Variants in HSPA12A observed in about 807,000 individuals in gnomAD.
HSPA12A encodes the protein heat shock 70 kDa protein 12A.
Under a neutral mutation model 69.2 loss-of-function variants are expected in HSPA12A, and 28 were observed. That is an observed-to-expected ratio of 0.40 (90% CI 0.30 to 0.55). The LOEUF is 0.55. Among genes scored for constraint, HSPA12A ranks in the 20% least tolerant of loss-of-function variants. HSPA12A has a pLI of 0.38. For synonymous variants in HSPA12A, 345 were observed against 370.5 expected (o/e 0.93, Z 0.79); for missense variants, 686 against 900.7 (o/e 0.76, Z 3.05).
chr10:116,683,012 T>G (rs11818148), intron 7 of HSPA12A, among the ~76,000 whole-genome samples: 5,429 of 151,956 alleles, frequency 0.036, 130 homozygotes, highest in African/African-American at 0.068. Context: ...CCCACAATTC[T>G]TTTCTTGCAG....
At chr10:116,804,473 C>G (rs1397545314) in intron 2 of HSPA12A, among the ~76,000 whole-genome samples, 1 of 152,082 alleles carries the variant, frequency 6.6e-6, no homozygotes, top group East Asian at 1.9e-4. Context: ...TATACCCTCC[C>G]CGAGTCCCTG....
chr10:116,800,563 C>T (rs1364267941), intron 2 of HSPA12A, among the ~76,000 whole-genome samples: 1 of 152,232 alleles, frequency 6.6e-6, no homozygotes, highest in African/African-American at 2.4e-5. Context: ...GCCACAACCC[C>T]TGCTGCGCTC....
intron 1 of HSPA12A, among the ~76,000 whole-genome samples, chr10:116,843,415 G>C (rs548714463): frequency 6.6e-5 from 10 of 152,088 alleles, no homozygotes; most frequent in African/African-American, 2.4e-4. Context: ...TCATTTTCTT[G>C]GTCATAACAC....
At chr10:116,682,882 T>A (rs1426846211) in intron 7 of HSPA12A, among the ~76,000 whole-genome samples, 3 of 148,156 alleles carry the variant, frequency 2.0e-5, no homozygotes, top group Non-Finnish European at 4.5e-5. Context: ...TTTTTTTTTT[T>A]TTTTTTGTAT....
chr10:116,751,496 A>G (rs1004816721), intron 2 of HSPA12A, among the ~76,000 whole-genome samples: 2 of 152,196 alleles, frequency 1.3e-5, no homozygotes, highest in African/African-American at 4.8e-5. Context: ...CTTGTTTCTA[A>G]AATGTTTTAT....
At chr10:116,731,099 C>G (rs1851139503) in intron 1 of HSPA12A, among the ~76,000 whole-genome samples, 1 of 152,254 alleles carries the variant, frequency 6.6e-6, no homozygotes, top group Admixed American at 6.5e-5. Context: ...CATGGCTGGC[C>G]AGTTGGCCTC....
Position 116,742,359 on chromosome 10 carries a change from G to T in HSPA12A, c.40+71C>A, listed in dbSNP as rs970810821. 3.2e-4 allele frequency: 449 copies of T among 1,384,930 alleles called. 3 individuals are homozygous for T. The African/African-American group carries it at 6.0e-3, about 19-fold the overall frequency. The allele number at this position is 1,384,930 out of a possible 1,614,324, so 85.8% of individuals were successfully genotyped here. A position where few individuals can be genotyped will look rare whatever the true frequency, so the allele number is the denominator to read the frequency against. On this transcript the variant is annotated intron_variant, in intron 1 of 11. Coordinates refer to ENST00000369209, the MANE Select transcript of HSPA12A (RefSeq NM_025015.3). ...CACGGCGCGCGAGGGGGTGCGGAGCGTTGGGCCAAGCGCGCCTCCTCCCTC... is the reference window on the plus strand; with the variant it reads ...CACGGCGCGCGAGGGGGTGCGGAGCTTTGGGCCAAGCGCGCCTCCTCCCTC...
At position 116,719,089 on chromosome 10, in the gene HSPA12A, T is replaced by C. The variant is rs182912071; in HGVS notation, c.41-11804A>G. 4.3e-4 allele frequency among the ~76,000 whole-genome samples: 66 copies of C among 152,328 alleles called. 1 individual carries two copies. The East Asian group carries it at 0.012, about 28-fold the overall frequency. The stretch of plus-strand genomic sequence containing the variant: ...GATAGATGCTGCCAAGATACTGCTG[T>C]GTCCACTCAAAATCCATTTCCTGCT... On this transcript the variant is annotated intron_variant, in intron 1 of 11. Coordinates refer to ENST00000369209, the MANE Select transcript of HSPA12A (RefSeq NM_025015.3).
At position 116,790,304 on chromosome 10, in the gene HSPA12A, C is replaced by T. The variant is rs536232915; in HGVS notation, c.91+44631G>A. Among the ~76,000 whole-genome samples, 6 of 151,932 alleles carry T rather than the reference C, an allele frequency of 3.9e-5. No individual in the cohort carries two copies. The South Asian group carries it at 1.2e-3, about 32-fold the overall frequency. The stretch of plus-strand genomic sequence containing the variant: ...ATTTTTAGTAAAGACGGGGTTTCAC[C>T]GTGTTAGCCAGGATGGTCTCTATCT... On this transcript the variant is annotated intron_variant, in intron 2 of 12. Coordinates refer to the HSPA12A transcript ENST00000635765.
chr10:116,835,025 G>A (rs752423793), intron 1 of HSPA12A: 228 of 1,229,818 alleles, frequency 1.9e-4, no homozygotes, highest in Non-Finnish European at 2.2e-4. Context: ...CTCTCCATCT[G>A]TAGGAGGGGG....
At chr10:116,724,546 G>T (rs1850887521) in intron 1 of HSPA12A, among the ~76,000 whole-genome samples, 1 of 152,166 alleles carries the variant, frequency 6.6e-6, no homozygotes, top group African/African-American at 2.4e-5. Flanking sequence ...TGCCTGGCCA[G>T]TCTGGAAGGC....
chr10:116,779,006 G>A (rs1844403196), intron 2 of HSPA12A, among the ~76,000 whole-genome samples: 1 of 152,158 alleles, frequency 6.6e-6, no homozygotes, highest in Admixed American at 6.5e-5. Flanking sequence ...CTGCCCTTGG[G>A]TCACACAGGT....
At chr10:116,694,428 T>C (rs1307398580) in intron 5 of HSPA12A, among the ~76,000 whole-genome samples, 9 of 152,294 alleles carry the variant, frequency 5.9e-5, no homozygotes, top group Non-Finnish European at 1.0e-4. Context: ...TGGGAGGAGC[T>C]ACCTTTGAAA....
Position 116,823,384 on chromosome 10 carries a change from C to A in HSPA12A, c.91+11551G>T, listed in dbSNP as rs79714092. ...TGGCAATGCCCCCCCAAATGATCTA[C>A]AGTCTCAACATGATCCCTGCATTCA... On this transcript the variant is annotated intron_variant, in intron 2 of 12. Transcript: ENST00000635765. Among the ~76,000 whole-genome samples the A allele has an allele frequency of 9.5e-3, 1,446 of 152,274 alleles. 17 individuals carry two copies. Among genetic ancestry groups the A allele is most frequent in the African/African-American group, 0.032 (1,344 of 41,556 alleles).
At chr10:116,692,593 A>G (rs782156091) in intron 5 of HSPA12A, 126 bp from the exon 6 acceptor site, 132 of 694,070 alleles carry the variant, frequency 1.9e-4, no homozygotes, top group Non-Finnish European at 3.0e-4. Flanking sequence ...AGGGTCCCCC[A>G]AACTTACCAG....
At chr10:116,756,149 G>T (rs1001848572) in intron 2 of HSPA12A, among the ~76,000 whole-genome samples, 1 of 152,140 alleles carries the variant, frequency 6.6e-6, no homozygotes, top group Non-Finnish European at 1.5e-5. Flanking sequence ...CCATTTCCAG[G>T]TTTCCCTTAA....
intron 2 of HSPA12A, among the ~76,000 whole-genome samples, chr10:116,770,048 T>C (rs1463615599): frequency 1.3e-5 from 2 of 152,174 alleles, no homozygotes; most frequent in African/African-American, 4.8e-5. Context: ...ATGAGGCAAG[T>C]AAGGAGAGAG....
intron 2 of HSPA12A, among the ~76,000 whole-genome samples, chr10:116,803,807 C>T (rs1175338009): frequency 2.0e-5 from 3 of 152,214 alleles, no homozygotes; most frequent in Non-Finnish European, 2.9e-5. Context: ...TCTTCTCTGA[C>T]TGCGTGACCA....
In HSPA12A at chr10:116,723,328, G is replaced by A. The variant is rs1331415631; in HGVS notation, c.41-16043C>T. Among the ~76,000 whole-genome samples the A allele has an allele frequency of 6.6e-6, 1 of 152,170 alleles. No homozygotes were observed. The highest frequency in any genetic ancestry group is 1.5e-5 in the Non-Finnish European group (1 of 68,030). ...CTTGTGCACTGGCTGTCTGCAGGGAGAGAGGGGCCCGCTGACCTTCACGTG... is the reference window on the plus strand; with the variant it reads ...CTTGTGCACTGGCTGTCTGCAGGGAAAGAGGGGCCCGCTGACCTTCACGTG... On this transcript the variant is annotated intron_variant, in intron 1 of 11. Transcript: ENST00000369209. The surrounding 1 kb of genome is among the most constrained non-coding windows in gnomAD (Gnocchi z 4.1).
Sources: allele counts gnomAD v4.1 joint callset (sites outside exome capture counted in the v4.1 genomes callset), GRCh38; gene constraint gnomAD v4.1.1; non-coding constraint Gnocchi (gnomAD v3.1); transcripts MANE v1.5; gene names NCBI Gene and HGNC (gene_info 2026-07-23, HGNC 2026-07-21).